Variants in DNAJC7 observed in about 807,000 individuals in gnomAD.
DNAJC7 encodes dnaJ homolog subfamily C member 7.
In DNAJC7, 18 loss-of-function variants were observed where a neutral mutation model predicts 67.4. That is an observed-to-expected ratio of 0.27 (90% CI 0.18 to 0.40). DNAJC7 has a LOEUF of 0.40. Among genes scored for constraint, DNAJC7 ranks in the 10% least tolerant of loss-of-function variants. The pLI is 1.00. For missense variants in DNAJC7, 419 were observed against 613.8 expected, an observed-to-expected ratio of 0.68 and a Z score of 3.35; for synonymous variants, 220 against 207.8, an observed-to-expected ratio of 1.06 and a Z score of -0.50.
At chr17:41,995,359 A>G (rs2051628070) in intron 4 of DNAJC7, among the ~76,000 whole-genome samples, 2 of 152,210 alleles carry the variant, frequency 1.3e-5, no homozygotes, top group East Asian at 1.9e-4. Context: ...CTTGATATAC[A>G]TGAAATAAAG....
At chr17:41,989,877 T>C (rs914174011) in intron 6 of DNAJC7, among the ~76,000 whole-genome samples, 5 of 152,224 alleles carry the variant, frequency 3.3e-5, no homozygotes, top group Admixed American at 6.5e-5. Context: ...GGTTCATCTA[T>C]TATCTAGGGC....
rs1555646117 is a variant in DNAJC7, at chr17:41,982,352, C to T, written c.1134G>A (p.Lys378=). 1.2e-6 allele frequency: 2 copies of T among 1,614,012 alleles called. No homozygotes were observed. Among genetic ancestry groups the T allele is most frequent in the South Asian group, 1.1e-5 (1 of 91,086 alleles). Reference sequence around the variant, plus strand: ...CTAGAATCTTGTAGTAATCTTTCCTCTTACTCTTCTTCAGTTCCAGCTGCG... The same window carrying T: ...CTAGAATCTTGTAGTAATCTTTCCTTTTACTCTTCTTCAGTTCCAGCTGCG... ...KNAQLELKKS[K]RKDYYKILGV... is the part of the protein sequence containing the mutation. The change falls in exon 11 of 14, where the codon AAG becomes AAA. Residue 378 remains lysine, a synonymous_variant. Coordinates refer to ENST00000457167, the MANE Select transcript of DNAJC7 (RefSeq NM_003315.4).
intron 5 of DNAJC7, among the ~76,000 whole-genome samples, chr17:41,991,331 A>G (rs1486806100): frequency 6.6e-6 from 1 of 152,164 alleles, no homozygotes; most frequent in Non-Finnish European, 1.5e-5. Flanking sequence ...GAAAAATTCA[A>G]ATTCCATCCA....
At chr17:42,006,314 T>A (rs1555650233) in intron 1 of DNAJC7, among the ~76,000 whole-genome samples, 1 of 151,576 alleles carries the variant, frequency 6.6e-6, no homozygotes, top group Non-Finnish European at 1.5e-5. Context: ...CCACCACGCC[T>A]GGCCAATTTT....
At chr17:41,992,275 CA>C (rs1281538118) in intron 5 of DNAJC7, among the ~76,000 whole-genome samples, 52 of 152,284 alleles carry the variant, frequency 3.4e-4, no homozygotes, top group African/African-American at 1.2e-3. Context: ...CGGGTTCAAG[CA>C]ATTCTCCTGC....
chr17:41,978,524 A>G (rs947476871), intron 12 of DNAJC7, among the ~76,000 whole-genome samples: 1 of 151,962 alleles, frequency 6.6e-6, no homozygotes, highest in African/African-American at 2.4e-5. Flanking sequence ...CCCTATCACA[A>G]ATATATTTCC....
At chr17:41,981,107 C>T (rs1407424374) in intron 12 of DNAJC7, among the ~76,000 whole-genome samples, 1 of 152,198 alleles carries the variant, frequency 6.6e-6, no homozygotes, top group African/African-American at 2.4e-5. Flanking sequence ...GCCATCTTGG[C>T]TCACTGCAAC....
At chr17:42,010,540 G>T (rs1774876389) in intron 1 of DNAJC7, among the ~76,000 whole-genome samples, 1 of 152,076 alleles carries the variant, frequency 6.6e-6, no homozygotes, top group African/African-American at 2.4e-5. Context: ...TTTGGGTGGA[G>T]TGGGGTGGGG....
intron 12 of DNAJC7, among the ~76,000 whole-genome samples, chr17:41,981,396 A>G (rs1267068750): frequency 1.3e-5 from 2 of 152,002 alleles, no homozygotes; most frequent in African/African-American, 2.4e-5. Flanking sequence ...AGGTTTCACC[A>G]TGTTGGCCAG....
chr17:41,978,084 CAT>C (rs1205615060), intron 12 of DNAJC7, among the ~76,000 whole-genome samples: 1 of 152,182 alleles, frequency 6.6e-6, no homozygotes, highest in African/African-American at 2.4e-5. Flanking sequence ...CTCAACAAAA[CAT>C]ATGTAGGTGG....
intron 1 of DNAJC7, among the ~76,000 whole-genome samples, chr17:42,007,838 C>CTT (rs140104313): frequency 6.7e-5 from 3 of 44,524 alleles, no homozygotes; most frequent in Admixed American, 6.7e-4. Flanking sequence ...AAAAAACTGC[C>CTT]TTTTTTTTTT....
At chr17:42,015,963 T>C (rs2052268623) in intron 1 of DNAJC7, 1 of 152,274 alleles carries the variant, frequency 6.6e-6, no homozygotes, top group South Asian at 2.1e-4. Context: ...AAGCTCCGTC[T>C]GCACTGGGAG....
intron 9 of DNAJC7, among the ~76,000 whole-genome samples, chr17:41,986,857 C>T (rs1233972930): frequency 4.6e-5 from 7 of 152,096 alleles, no homozygotes; most frequent in African/African-American, 1.7e-4. Flanking sequence ...GGGAGGTAGT[C>T]CATGAGATAT....
rs559676095 is a variant in DNAJC7 at position 41,990,095 on chromosome 17, A to G, written c.599+169T>C. Among the ~76,000 whole-genome samples, 4 of 152,376 alleles carry G rather than the reference A, an allele frequency of 2.6e-5. No individual in the cohort carries two copies. In the South Asian group the frequency reaches 8.3e-4, roughly 32 times the overall value. On this transcript the variant is annotated intron_variant, in intron 6 of 13. Coordinates refer to ENST00000457167, the MANE Select transcript of DNAJC7 (RefSeq NM_003315.4). ...ACCTGCTATACTACTATACTCCTGT[A>G]TACCCTACGGGTTTTCAAAGCTGGT...
At chr17:42,007,054 A>G (rs2051985129) in intron 1 of DNAJC7, among the ~76,000 whole-genome samples, 1 of 145,022 alleles carries the variant, frequency 6.9e-6, no homozygotes, top group South Asian at 2.3e-4. Context: ...GTGAGCTGAC[A>G]TCGCGCCACT....
chr17:41,988,878 C>A lies in DNAJC7; in HGVS notation c.772G>T (p.Ala258Ser), dbSNP rs781826458. Residue 258 changes from alanine to serine, a missense_variant, in exon 8 of 14, where the codon GCA (alanine) becomes TCA (serine). Physicochemically the swap from Ala to Ser is moderately conservative, Grantham distance 99. Transcript: ENST00000457167. ...GCTTTATTCCCATCTTCTTTCTTTGCTTTGAGTGCTTTGGCATTCTACAGA... is the reference window on the plus strand; with the variant it reads ...GCTTTATTCCCATCTTCTTTCTTTGATTTGAGTGCTTTGGCATTCTACAGA... Reference protein sequence around the residue: ...IACRNAKALKAKKEDGNKAFK... With the variant: ...IACRNAKALKSKKEDGNKAFK... 12 of 1,613,098 alleles carry A rather than the reference C, an allele frequency of 7.4e-6. No individual in the cohort carries two copies. The highest frequency in any genetic ancestry group is 9.3e-6 in the Non-Finnish European group (11 of 1,179,654).
At chr17:41,979,994 A>G (rs961436166) in intron 12 of DNAJC7, among the ~76,000 whole-genome samples, 2 of 151,662 alleles carry the variant, frequency 1.3e-5, no homozygotes, top group African/African-American at 2.4e-5. Context: ...CAAAATCCCA[A>G]TAGATTTTCT....
At chr17:41,996,635 G>A (rs1390590362) in intron 3 of DNAJC7, among the ~76,000 whole-genome samples, 2 of 152,038 alleles carry the variant, frequency 1.3e-5, no homozygotes, top group Admixed American at 6.5e-5. Flanking sequence ...ACAAAACTCC[G>A]TCTCTTACTA....
chr17:41,989,226 T>C (rs2051452901), intron 7 of DNAJC7, among the ~76,000 whole-genome samples, 178 bp downstream of exon 7: 1 of 152,218 alleles, frequency 6.6e-6, no homozygotes, highest in Non-Finnish European at 1.5e-5. Flanking sequence ...TATGATCACA[T>C]CTACCTTTAG....
Sources: allele counts gnomAD v4.1 joint callset (sites outside exome capture counted in the v4.1 genomes callset), GRCh38; gene constraint gnomAD v4.1.1; transcripts MANE v1.5; gene names NCBI Gene and HGNC (gene_info 2026-07-23, HGNC 2026-07-21).